ABCF2: variants seen among roughly 807,000 people sequenced by gnomAD.
ABCF2 encodes ATP binding cassette subfamily F member 2, also known as ATP-binding cassette sub-family F member 2.
In ABCF2, 37 loss-of-function variants were observed where a neutral mutation model predicts 76.9. The observed-to-expected ratio is 0.48, with a 90% CI of 0.37 to 0.63. ABCF2 has a LOEUF of 0.63. ABCF2 is among the 30% of genes least tolerant of loss of function. ABCF2 has a pLI of 0.00. For synonymous variants in ABCF2, 299 were observed against 283.7 expected (o/e 1.05, Z -0.54); for missense variants, 524 against 782.1 (o/e 0.67, Z 3.94).
chr7:151,223,977 G>T lies in ABCF2; in HGVS notation c.505C>A (p.Arg169=), dbSNP rs767028469. 6.2e-7 allele frequency: 1 copy of T among 1,613,952 alleles called. No individual in the cohort carries two copies. Among genetic ancestry groups the T allele is most frequent in the Non-Finnish European group, 8.5e-7 (1 of 1,179,998 alleles). Residue 169 remains arginine, a synonymous_variant, in exon 4 of 15, where the codon CGG becomes AGG. Coordinates refer to ENST00000287844, the MANE Select transcript of ABCF2 (RefSeq NM_007189.3). The part of the protein sequence containing the change: ...LHCVMEVDTE[R]AMLEKEAERL... ...TCTGCCTCTTTCTCCAGCATGGCCC[G>T]CTCTGTGTCGACTTCCATCACACAA...
Position 151,212,414 on chromosome 7 carries a change from T to C in ABCF2, c.*1640A>G. ...AGGAAGAGAGGTTCACAGACGTTGGTGTGAAAATGCAAACTCCTGGCCATC... is the reference window on the plus strand; with the variant it reads ...AGGAAGAGAGGTTCACAGACGTTGGCGTGAAAATGCAAACTCCTGGCCATC... On this transcript the variant is annotated 3_prime_UTR_variant, in exon 15 of 15. Transcript: ENST00000287844. 1 of 985,470 alleles carries C rather than the reference T, an allele frequency of 1.0e-6. No individual in the cohort carries two copies. The highest frequency in any genetic ancestry group is 1.2e-6 in the Non-Finnish European group (1 of 829,938). The allele number at this position is 985,470 out of a possible 1,614,324, so 61.0% of individuals were successfully genotyped here.
chr7:151,222,727 C>T, intron 5 of ABCF2, 111 bp from the exon 6 acceptor site: 1 of 776,826 alleles, frequency 1.3e-6, no homozygotes, highest in Non-Finnish European at 2.1e-6. Context: ...TGGCTTGAGT[C>T]TTGAAATCAA....
chr7:151,226,856 C>G lies in ABCF2; in HGVS notation c.-43+307G>C, dbSNP rs11973593. ...GCTCCGCACTCAGCTAGCCGCCTCA[C>G]TTTCCGGGCTTCCTCCTCCCGTCCG... is the stretch of plus-strand genomic sequence containing the variant. On this transcript the variant is annotated intron_variant, in intron 1 of 14. Transcript: ENST00000287844. The G allele has an allele frequency of 6.9e-3, 1,132 of 163,338 alleles. 21 individuals carry two copies. Among genetic ancestry groups the G allele is most frequent in the African/African-American group, 0.026 (1,078 of 41,896 alleles). The allele number at this position is 163,338 out of a possible 1,614,324, so 10.1% of individuals were successfully genotyped here.
Position 151,212,297 on chromosome 7 carries a change from G to C in ABCF2, c.*1757C>G. The C allele has an allele frequency of 1.0e-6, 1 of 985,364 alleles. No homozygotes were observed. Among genetic ancestry groups the C allele is most frequent in the Non-Finnish European group, 1.2e-6 (1 of 829,938 alleles). The allele number at this position is 985,364 out of a possible 1,614,324, so 61.0% of individuals were successfully genotyped here. On this transcript the variant is annotated 3_prime_UTR_variant, in exon 15 of 15. Coordinates refer to ENST00000287844, the MANE Select transcript of ABCF2 (RefSeq NM_007189.3). ...ATTGAAGTTCAAAAGACCCAGATAA[G>C]GTATGCAGAGCCCTGGGCTGGAAGT...
Position 151,215,540 on chromosome 7 carries a change from C to G in ABCF2, c.1530+64G>C, listed in dbSNP as rs1802132691. 1 of 1,600,030 alleles carries G rather than the reference C, an allele frequency of 6.2e-7. No homozygotes were observed. The highest frequency in any genetic ancestry group is 1.7e-5 in the Admixed American group (1 of 59,618). On this transcript the variant is annotated intron_variant, in intron 13 of 14. Coordinates refer to ENST00000287844, the MANE Select transcript of ABCF2 (RefSeq NM_007189.3). This position sits in a 1 kb window ranked among gnomAD's most constrained non-coding sequence, Gnocchi z 4.6. ...AACCCAGGCTGCCAGGACAGTATCC[C>G]CTGACCCACCCAGCCACAGTCTGCC...
intron 7 of ABCF2, among the ~76,000 whole-genome samples, chr7:151,219,608 C>T (rs1195741758): frequency 1.3e-5 from 2 of 152,196 alleles, no homozygotes; most frequent in Admixed American, 6.5e-5. Flanking sequence ...AAGTGGACTA[C>T]CATGGTTTCT....
intron 11 of ABCF2, 26 bp downstream of exon 11, chr7:151,218,055 G>A (rs752401067): frequency 2.0e-6 from 3 of 1,527,762 alleles, no homozygotes; most frequent in Non-Finnish European, 2.7e-6. Flanking sequence ...ATCTTAGAGG[G>A]ATCCACGCCC....
Position 151,211,685 on chromosome 7 carries a change from GCT to G in ABCF2, c.*2367_*2368del. ...TCCAGCACTTCCTTAAGTATCAAGG[GCT>G]CTGTCCCTCACTGTCCCCATTATCC... is the stretch of plus-strand genomic sequence containing the variant. On this transcript the variant is annotated 3_prime_UTR_variant, in exon 15 of 15. Transcript: ENST00000287844. 1.0e-6 allele frequency: 1 copy of G among 985,298 alleles called. No homozygotes were observed. The highest frequency in any genetic ancestry group is 1.2e-6 in the Non-Finnish European group (1 of 829,894). 61.0% of individuals were successfully genotyped at this position (985,298 alleles called of 1,614,324 possible). A position where few individuals can be genotyped will look rare whatever the true frequency, so the allele number is the denominator to read the frequency against.
chr7:151,214,025 A>G lies in ABCF2; in HGVS notation c.*29T>C, dbSNP rs1317050540. 6.2e-7 allele frequency: 1 copy of G among 1,609,282 alleles called. No homozygotes were observed. Among genetic ancestry groups the G allele is most frequent in the Non-Finnish European group, 8.5e-7 (1 of 1,178,318 alleles). ...TTAGCAGCTGTTAGTTCCCAGATGG[A>G]GCTCCTGACCCGAACCCAGGTAGAG... On this transcript the variant is annotated 3_prime_UTR_variant, in exon 15 of 15. Coordinates refer to ENST00000287844, the MANE Select transcript of ABCF2 (RefSeq NM_007189.3). The surrounding 1 kb of genome is among the most constrained non-coding windows in gnomAD (Gnocchi z 4.9).
Position 151,215,404 on chromosome 7 carries a change from G to A in ABCF2, c.1530+200C>T, listed in dbSNP as rs569044345. 6.6e-6 allele frequency among the ~76,000 whole-genome samples: 1 copy of A among 152,262 alleles called. No individual in the cohort carries two copies. Among genetic ancestry groups the A allele is most frequent in the East Asian group, 1.9e-4 (1 of 5,174 alleles). ...ACAAGGGCATGTCAGAGACTGGCAC[G>A]CTATCCTTGCCCCCTCAAAATGCTC... is the stretch of plus-strand genomic sequence containing the variant. On this transcript the variant is annotated intron_variant, in intron 13 of 14. Coordinates refer to ENST00000287844, the MANE Select transcript of ABCF2 (RefSeq NM_007189.3). This position sits in a 1 kb window ranked among gnomAD's most constrained non-coding sequence, Gnocchi z 4.6.
At chr7:151,222,440 T>C in intron 6 of ABCF2, 81 bp downstream of exon 6, 1 of 1,153,550 alleles carries the variant, frequency 8.7e-7, no homozygotes, top group Non-Finnish European at 1.3e-6. Context: ...CGCTCTAACA[T>C]CAGTGCAGTT....
rs1479982096 is a variant in ABCF2, at chr7:151,211,610, C to T, written c.*2444G>A. On this transcript the variant is annotated 3_prime_UTR_variant, in exon 15 of 15. Transcript: ENST00000287844. The stretch of plus-strand genomic sequence containing the variant: ...CTCCAGGTTCTGAAGATCTCCTGTC[C>T]TAGTATGGAGACTCTGGAGATCCCG... 4.1e-6 allele frequency: 4 copies of T among 984,932 alleles called. No homozygotes were observed. Among genetic ancestry groups the T allele is most frequent in the Non-Finnish European group, 4.8e-6 (4 of 829,608 alleles). 61.0% of individuals were successfully genotyped at this position (984,932 alleles called of 1,614,324 possible).
chr7:151,212,204 A>G lies in ABCF2; in HGVS notation c.*1850T>C. 6.1e-6 allele frequency: 6 copies of G among 985,446 alleles called. No individual in the cohort carries two copies. Among genetic ancestry groups the G allele is most frequent in the Non-Finnish European group, 7.2e-6 (6 of 829,922 alleles). The allele number at this position is 985,446 out of a possible 1,614,324, so 61.0% of individuals were successfully genotyped here. On this transcript the variant is annotated 3_prime_UTR_variant, in exon 15 of 15. Coordinates refer to ENST00000287844, the MANE Select transcript of ABCF2 (RefSeq NM_007189.3). ...AAAAATCATGGCTGTGTCTTCCCAT[A>G]GGGATGGCTGATTTCAGAGGCAGAG...
rs1186339895 is a variant in ABCF2 at position 151,226,325 on chromosome 7, G to A, written c.134C>T (p.Ala45Val). The A allele has an allele frequency of 1.2e-6, 2 of 1,613,880 alleles. No individual in the cohort carries two copies. Among genetic ancestry groups the A allele is most frequent in the Admixed American group, 1.7e-5 (1 of 59,984 alleles). The change falls in exon 2 of 15, where the codon GCC (alanine) becomes GTC (valine). Residue 45 changes from alanine to valine, a missense_variant. Around this residue, in one of 2 missense-constraint regions of ABCF2, gnomAD observed 330 missense variants for 433.6 expected, o/e 0.76. Coordinates refer to ENST00000287844, the MANE Select transcript of ABCF2 (RefSeq NM_007189.3). ...TEPQVAEKNEANGRETTEVDL... is the reference protein window; with the variant it reads ...TEPQVAEKNEVNGRETTEVDL... The stretch of plus-strand genomic sequence containing the variant: ...TTCACCTGTGGTCTCTCTGCCATTG[G>A]CCTCATTCTTCTCTGCCACCTGTGG...
chr7:151,224,716 C>A, intron 3 of ABCF2, 60 bp downstream of exon 3: 1 of 1,468,110 alleles, frequency 6.8e-7, no homozygotes. Flanking sequence ...TAAATAAATG[C>A]TTGTGAGTGA....
rs2150570461 is a variant in ABCF2, at chr7:151,211,559, A to G, written c.*2495T>C. Reference sequence around the variant, plus strand: ...CCAAGGTTGACATTTTTCTTGACAAATAAGCTGACTAGACTATTTCCATTC... The same window carrying G: ...CCAAGGTTGACATTTTTCTTGACAAGTAAGCTGACTAGACTATTTCCATTC... On this transcript the variant is annotated 3_prime_UTR_variant, in exon 15 of 15. Coordinates refer to ENST00000287844, the MANE Select transcript of ABCF2 (RefSeq NM_007189.3). 1.0e-6 allele frequency: 1 copy of G among 985,388 alleles called. No homozygotes were observed. The highest frequency in any genetic ancestry group is 4.7e-5 in the South Asian group (1 of 21,290). 61.0% of individuals were successfully genotyped at this position (985,388 alleles called of 1,614,324 possible).
chr7:151,218,284 G>T, intron 10 of ABCF2, 93 bp from the exon 11 acceptor site: 1 of 943,310 alleles, frequency 1.1e-6, no homozygotes. Flanking sequence ...CAGTCACCAA[G>T]AGAGGAGGAA....
In ABCF2 at chr7:151,212,727, T is replaced by C. The variant is rs541448964; in HGVS notation, c.*1327A>G. 82 of 159,040 alleles carry C rather than the reference T, an allele frequency of 5.2e-4. No homozygotes were observed. The highest frequency in any genetic ancestry group is 1.2e-3 in the South Asian group (6 of 4,944). The allele number at this position is 159,040 out of a possible 1,614,324, so 9.9% of individuals were successfully genotyped here. A position where few individuals can be genotyped will look rare whatever the true frequency, so the allele number is the denominator to read the frequency against. ...GCTGGTCTTGAACTTCTAGGCTCAA[T>C]TGATCCTCCTACAGTGGCCTCCCAA... On this transcript the variant is annotated 3_prime_UTR_variant, in exon 15 of 15. Coordinates refer to ENST00000287844, the MANE Select transcript of ABCF2 (RefSeq NM_007189.3).
rs1802057683 is a variant in ABCF2, at chr7:151,212,121, G to A, written c.*1933C>T. ...CAAGAAGATCATGAGCTCCTAAGGG[G>A]TTTAAGCACCATCTGGGACAGTTGC... is the stretch of plus-strand genomic sequence containing the variant. On this transcript the variant is annotated 3_prime_UTR_variant, in exon 15 of 15. Transcript: ENST00000287844. 5 of 984,934 alleles carry A rather than the reference G, an allele frequency of 5.1e-6. No individual in the cohort carries two copies. The highest frequency in any genetic ancestry group is 6.0e-6 in the Non-Finnish European group (5 of 829,462). 61.0% of individuals were successfully genotyped at this position (984,934 alleles called of 1,614,324 possible).
Sources: allele counts gnomAD v4.1 joint callset (sites outside exome capture counted in the v4.1 genomes callset), GRCh38; gene constraint gnomAD v4.1.1; regional missense constraint gnomAD v4.1.1; non-coding constraint Gnocchi (gnomAD v3.1); transcripts MANE v1.5; gene names NCBI Gene and HGNC (gene_info 2026-07-23, HGNC 2026-07-21).